SPPL2B: variants seen among roughly 807,000 people sequenced by gnomAD.
The protein encoded by SPPL2B is signal peptide peptidase-like 2B.
Under a neutral mutation model 59.7 loss-of-function variants are expected in SPPL2B, and 39 were observed. That is an observed-to-expected ratio of 0.65 (90% CI 0.51 to 0.85). The LOEUF is 0.85. SPPL2B is among the 40% of genes least tolerant of loss of function. SPPL2B has a pLI of 0.00. For missense variants in SPPL2B, 865 were observed against 849.0 expected (o/e 1.02, Z -0.23); for synonymous variants, 419 against 370.8 (o/e 1.13, Z -1.49).
chr19:2,334,298 G>A (rs1229060117), intron 1 of SPPL2B, among the ~76,000 whole-genome samples: 1 of 152,250 alleles, frequency 6.6e-6, no homozygotes, highest in Non-Finnish European at 1.5e-5. Context: ...GGGAGGCCCA[G>A]GAGGTGGTGC....
At chr19:2,337,865 G>A (rs140762464) in intron 3 of SPPL2B, 17 of 503,534 alleles carry the variant, frequency 3.4e-5, no homozygotes, top group East Asian at 1.1e-4. Flanking sequence ...AACTTTGGCC[G>A]TGGTCTTGTT....
intron 3 of SPPL2B, chr19:2,337,963 G>A (rs1968754651): frequency 8.3e-6 from 2 of 240,914 alleles, no homozygotes; most frequent in Non-Finnish European, 1.6e-5. Context: ...AGGAGCAGGT[G>A]GCCTGGCCCT....
At chr19:2,341,315 C>G (rs1338388583) in intron 8 of SPPL2B, 4 of 585,408 alleles carry the variant, frequency 6.8e-6, no homozygotes, top group Non-Finnish European at 9.7e-6. Context: ...CATCGCTGCC[C>G]AGGGCCACAG....
At chr19:2,352,112 C>T (rs1008026909) in intron 14 of SPPL2B, among the ~76,000 whole-genome samples, 7 of 152,178 alleles carry the variant, frequency 4.6e-5, no homozygotes, top group East Asian at 1.9e-4. Flanking sequence ...AAGGGTTAAA[C>T]GTGAGATGCA....
At chr19:2,348,133 A>ACG (rs71178263) in intron 13 of SPPL2B, among the ~76,000 whole-genome samples, 1 of 35,482 alleles carries the variant, frequency 2.8e-5, no homozygotes, top group South Asian at 1.1e-3. Flanking sequence ...ACACACACTC[A>ACG]CGCTCTCATT....
chr19:2,336,683 T>A (rs570006228), intron 2 of SPPL2B, among the ~76,000 whole-genome samples: 1 of 145,576 alleles, frequency 6.9e-6, no homozygotes, highest in East Asian at 2.1e-4. Flanking sequence ...TGTGTCTGCT[T>A]GAGTGTGAGT....
intron 13 of SPPL2B, among the ~76,000 whole-genome samples, chr19:2,349,753 ATG>A (rs1969777030): frequency 7.4e-5 from 9 of 121,108 alleles, no homozygotes; most frequent in Admixed American, 1.6e-4. Context: ...CTCCACACAC[ATG>A]CGCTCTCATT....
intron 1 of SPPL2B, among the ~76,000 whole-genome samples, chr19:2,331,934 T>C (rs1274879626): frequency 6.6e-6 from 1 of 152,268 alleles, no homozygotes; most frequent in African/African-American, 2.4e-5. Flanking sequence ...CTGTGGATTC[T>C]TGGCCTCTGC....
chr19:2,344,272 C>T (rs1215573651), intron 10 of SPPL2B, 90 bp from the exon 11 acceptor site: 8 of 614,520 alleles, frequency 1.3e-5, no homozygotes, highest in South Asian at 3.6e-5. Flanking sequence ...ACCCCCCCAT[C>T]GCATCACCCT....
intron 12 of SPPL2B, 46 bp from the exon 13 acceptor site, chr19:2,345,207 G>C: frequency 6.4e-7 from 1 of 1,573,662 alleles, no homozygotes. Context: ...CCCCTGCTCT[G>C]AGGCTCTGCG....
In SPPL2B at chr19:2,334,593, G is replaced by C. The variant is rs769893023; in HGVS notation, c.67-9G>C. ...TGCTGTGGCTCTGACTGCTGGCCTT[G>C]TCCTGCAGGTGGCCTGTGAGTACGG... is the stretch of plus-strand genomic sequence containing the variant. On this transcript the variant is annotated splice_polypyrimidine_tract_variant and intron_variant, in intron 1 of 14. Transcript: ENST00000613503. 4.9e-5 allele frequency: 79 copies of C among 1,606,754 alleles called. No homozygotes were observed. The highest frequency in any genetic ancestry group is 5.5e-5 in the Non-Finnish European group (65 of 1,177,184).
intron 1 of SPPL2B, among the ~76,000 whole-genome samples, chr19:2,334,152 G>A (rs1003334470): frequency 6.6e-6 from 1 of 152,212 alleles, no homozygotes; most frequent in Non-Finnish European, 1.5e-5. Context: ...CCTGAGGGGT[G>A]CAGAGGCTTG....
rs1968811906 is a variant in SPPL2B, at chr19:2,338,776, C to A, written c.394C>A (p.Gln132Lys). The change falls in exon 4 of 15, where the codon CAG (glutamine) becomes AAG (lysine). Residue 132 changes from glutamine (Q) to lysine (K), a missense_variant. Coordinates refer to ENST00000613503, the MANE Select transcript of SPPL2B (RefSeq NM_152988.3). ...GGTCCCCCCGGGGGGTAATAAGACG[C>A]AGTATGATGAGATTGGCATTCCCGT... is the stretch of plus-strand genomic sequence containing the variant. The part of the protein sequence containing the change: ...RLVPPGGNKT[Q>K]YDEIGIPVAL... The A allele has an allele frequency of 5.6e-6, 9 of 1,613,344 alleles. No individual in the cohort carries two copies. The highest frequency in any genetic ancestry group is 7.6e-6 in the Non-Finnish European group (9 of 1,179,626).
intron 8 of SPPL2B, 28 bp from the exon 9 acceptor site, chr19:2,343,183 C>G: frequency 6.5e-7 from 1 of 1,545,072 alleles, no homozygotes; most frequent in Non-Finnish European, 8.8e-7. Flanking sequence ...AGCCTCTGCC[C>G]CGGCGAGGAT....
At chr19:2,335,885 G>T (rs1479080458) in intron 2 of SPPL2B, among the ~76,000 whole-genome samples, 6 of 152,232 alleles carry the variant, frequency 3.9e-5, no homozygotes, top group Non-Finnish European at 8.8e-5. Flanking sequence ...TGTGTAATCA[G>T]TATGTGCCTG....
chr19:2,352,513 G>A (rs138109722), intron 14 of SPPL2B, among the ~76,000 whole-genome samples: 5 of 152,244 alleles, frequency 3.3e-5, no homozygotes, highest in Non-Finnish European at 5.9e-5. Context: ...TTCCAGTGCC[G>A]AGCTGGGCTC....
chr19:2,335,335 A>ACTGCATCCTTCAGGCCCCGCCTCC (rs1568430153), intron 2 of SPPL2B, among the ~76,000 whole-genome samples: 19 of 24,476 alleles, frequency 7.8e-4, no homozygotes, highest in Admixed American at 2.1e-3. Flanking sequence ...GCCCCGCCTC[A>ACTGCATCCTTCAGGCCCCGCCTCC]TTTCCCACTG....
Position 2,345,343 on chromosome 19 carries a change from G to T in SPPL2B, c.1354+13G>T. The T allele has an allele frequency of 6.2e-7, 1 of 1,611,498 alleles. No homozygotes were observed. The highest frequency in any genetic ancestry group is 1.1e-5 in the South Asian group (1 of 91,056). On this transcript the variant is annotated intron_variant, in intron 13 of 14. Coordinates refer to ENST00000613503, the MANE Select transcript of SPPL2B (RefSeq NM_152988.3). ...GCCTGCACCATCGGTAAGTGCCTCG[G>T]TTGGGCCCGTGCTGGCCTCTCTGGC...
chr19:2,345,149 G>A, intron 12 of SPPL2B, 104 bp from the exon 13 acceptor site: 1 of 849,286 alleles, frequency 1.2e-6, no homozygotes, highest in Non-Finnish European at 1.9e-6. Flanking sequence ...GGCAGCGAGA[G>A]GCCCACGGCG....
Sources: gnomAD v4.1 joint callset for allele counts (sites outside exome capture counted in the v4.1 genomes callset) on GRCh38, gnomAD v4.1.1 for gene constraint, MANE v1.5 for transcripts, NCBI Gene and HGNC (gene_info 2026-07-23, HGNC 2026-07-21) for gene names.